EBF1: variants seen among roughly 807,000 people sequenced by gnomAD.
EBF1 encodes the protein EBF transcription factor 1, also known as transcription factor COE1.
Under a neutral mutation model 68.4 loss-of-function variants are expected in EBF1, and 10 were observed. That is an observed-to-expected ratio of 0.15 (90% CI 0.09 to 0.25). EBF1 has a LOEUF of 0.25. Ranked by LOEUF, EBF1 falls within the 10% of genes least tolerant of loss-of-function variation. The pLI is 1.00. For synonymous variants in EBF1, 298 were observed against 299.8 expected (o/e 0.99, Z 0.06); for missense variants, 509 against 794.4 (o/e 0.64, Z 4.32).
intron 6 of EBF1, among the ~76,000 whole-genome samples, chr5:159,058,428 C>T (rs1238614778): frequency 6.6e-6 from 1 of 152,174 alleles, no homozygotes; most frequent in East Asian, 1.9e-4. Context: ...GAAGGGGACC[C>T]TGGGGAATTG....
intron 10 of EBF1, among the ~76,000 whole-genome samples, chr5:158,763,935 T>C (rs902045211): frequency 1.3e-5 from 2 of 152,212 alleles, no homozygotes; most frequent in Admixed American, 1.3e-4. Flanking sequence ...TCTGAGGACC[T>C]TTCCAACTCT....
chr5:158,879,842 T>C (rs1353879246), intron 6 of EBF1, among the ~76,000 whole-genome samples: 1 of 152,194 alleles, frequency 6.6e-6, no homozygotes, highest in Non-Finnish European at 1.5e-5. Context: ...ATCGCTCCTA[T>C]GGTTGAAATA....
At chr5:158,762,584 G>A (rs1771710718) in intron 10 of EBF1, among the ~76,000 whole-genome samples, 1 of 152,168 alleles carries the variant, frequency 6.6e-6, no homozygotes, top group Non-Finnish European at 1.5e-5. Context: ...CACCCAGGCT[G>A]GAGTGCAGTG....
At chr5:158,880,178 G>A (rs1377005095) in intron 6 of EBF1, among the ~76,000 whole-genome samples, 1 of 152,174 alleles carries the variant, frequency 6.6e-6, no homozygotes, top group Non-Finnish European at 1.5e-5. Flanking sequence ...GGTGCTCTGA[G>A]AAAGGGAGGA....
intron 6 of EBF1, among the ~76,000 whole-genome samples, chr5:158,927,330 C>A (rs1299310334): frequency 6.6e-6 from 1 of 152,190 alleles, no homozygotes; most frequent in Non-Finnish European, 1.5e-5. Context: ...GATCTTCTAT[C>A]ATGAATGCAA....
chr5:158,732,877 C>T (rs1487940372), intron 10 of EBF1, among the ~76,000 whole-genome samples: 7 of 152,092 alleles, frequency 4.6e-5, no homozygotes, highest in African/African-American at 1.7e-4. Context: ...TTAACCCTCC[C>T]CCCATTTCCA....
intron 8 of EBF1, among the ~76,000 whole-genome samples, chr5:158,807,359 T>C (rs1184308792): frequency 1.3e-5 from 2 of 152,132 alleles, no homozygotes; most frequent in Admixed American, 6.6e-5. Context: ...ATGTGCTTCA[T>C]CCAAAAGGAA....
chr5:158,866,386 C>T (rs1795861922), intron 6 of EBF1, among the ~76,000 whole-genome samples: 1 of 152,168 alleles, frequency 6.6e-6, no homozygotes, highest in Non-Finnish European at 1.5e-5. Context: ...TAAGGAACAT[C>T]ATCATTTTTC....
At chr5:158,872,750 ACTTTT>A (rs1176579107) in intron 6 of EBF1, among the ~76,000 whole-genome samples, 1 of 152,020 alleles carries the variant, frequency 6.6e-6, no homozygotes, top group African/African-American at 2.4e-5. Context: ...ATCATGCTTC[ACTTTT>A]CTTTTCTGTG....
intron 6 of EBF1, among the ~76,000 whole-genome samples, chr5:159,046,359 C>T (rs17717876): frequency 0.02 from 3,085 of 152,326 alleles, 56 homozygotes; most frequent in Non-Finnish European, 0.036. Context: ...ACTAGGTCTA[C>T]TGGTGAATTT....
At position 158,698,043 on chromosome 5, in the gene EBF1, C is replaced by CTGAT. The variant is rs1369397882; in HGVS notation, c.*1064_*1067dup. 9.3e-6 allele frequency: 2 copies of CTGAT among 215,588 alleles called. No homozygotes were observed. Among genetic ancestry groups the CTGAT allele is most frequent in the African/African-American group, 4.5e-5 (2 of 44,298 alleles). 13.4% of individuals were successfully genotyped at this position (215,588 alleles called of 1,614,324 possible). A position where few individuals can be genotyped will look rare whatever the true frequency, so the allele number is the denominator to read the frequency against. Reference sequence around the variant, plus strand: ...TTATGTTACAAATGGTAAGGGTCGACTGATAGAGGCAGTATCTGGAATGGG... The same window carrying CTGAT: ...TTATGTTACAAATGGTAAGGGTCGACTGATTGATAGAGGCAGTATCTGGAATGGG... On this transcript the variant is annotated 3_prime_UTR_variant, in exon 16 of 16. Transcript: ENST00000313708.
At chr5:159,097,189 C>T (rs1427763733) in intron 1 of EBF1, 59 bp from the exon 2 acceptor site, 2 of 1,548,820 alleles carry the variant, frequency 1.3e-6, no homozygotes, top group Non-Finnish European at 1.7e-6. Flanking sequence ...CGCCCCTTGT[C>T]ACCCTGTACA....
rs1190220267 is a variant in EBF1 at position 159,050,211 on chromosome 5, C to T, written c.554+23185G>A. Among the ~76,000 whole-genome samples the T allele has an allele frequency of 2.8e-5, 4 of 141,096 alleles. No homozygotes were observed. The East Asian group carries it at 8.4e-4, about 30-fold the overall frequency. The allele number at this position is 141,096 out of a possible 152,430, so 92.6% of individuals were successfully genotyped here. ...TCTTTTCTCTCTCTCTCCTCTCCTCCCTCTCTCTCTCCTCTCCTCCCTCTC... is the reference window on the plus strand; with the variant it reads ...TCTTTTCTCTCTCTCTCCTCTCCTCTCTCTCTCTCTCCTCTCCTCCCTCTC... On this transcript the variant is annotated intron_variant, in intron 6 of 15. Transcript: ENST00000313708.
intron 6 of EBF1, among the ~76,000 whole-genome samples, chr5:159,071,022 A>G (rs577422326): frequency 5.4e-4 from 82 of 152,336 alleles, no homozygotes; most frequent in African/African-American, 1.9e-3. Context: ...CCTTTCTTGC[A>G]TAAGTTCTTC....
At chr5:158,995,133 T>C (rs1192729013) in intron 6 of EBF1, among the ~76,000 whole-genome samples, 1 of 152,124 alleles carries the variant, frequency 6.6e-6, no homozygotes, top group Non-Finnish European at 1.5e-5. Context: ...TCCTCCTTGA[T>C]GGGAGAATTT....
intron 6 of EBF1, among the ~76,000 whole-genome samples, chr5:158,842,751 C>A (rs6556367): frequency 0.98 from 149,430 of 152,356 alleles, 73,304 homozygotes; most frequent in East Asian, 1. Flanking sequence ...GCTCAGTTCA[C>A]TGCTAAGAAC....
intron 6 of EBF1, among the ~76,000 whole-genome samples, chr5:158,841,606 C>G (rs1790346476): frequency 2.6e-5 from 4 of 152,174 alleles, no homozygotes; most frequent in Admixed American, 2.6e-4. Context: ...AACTATCACC[C>G]TATGATGCCT....
At chr5:158,938,635 G>T (rs1294597776) in intron 6 of EBF1, among the ~76,000 whole-genome samples, 1 of 152,230 alleles carries the variant, frequency 6.6e-6, no homozygotes, top group Non-Finnish European at 1.5e-5. Flanking sequence ...TCTGCAGAGG[G>T]CTGCCTTCTT....
chr5:159,087,293 CAT>C (rs1344690761), intron 4 of EBF1, among the ~76,000 whole-genome samples: 4 of 139,218 alleles, frequency 2.9e-5, no homozygotes, highest in East Asian at 2.1e-4. Context: ...TATATATACA[CAT>C]ATATATATAC....
Sources: gnomAD v4.1 joint callset for allele counts (sites outside exome capture counted in the v4.1 genomes callset) on GRCh38, gnomAD v4.1.1 for gene constraint, MANE v1.5 for transcripts, NCBI Gene and HGNC (gene_info 2026-07-23, HGNC 2026-07-21) for gene names.